Variants in ZNF26 observed in about 807,000 individuals in gnomAD.
ZNF26 encodes zinc finger protein 26.
A neutral mutation model predicts 54.9 loss-of-function variants in ZNF26; 32 were observed. The observed-to-expected ratio is 0.58, with a 90% CI of 0.44 to 0.78. The LOEUF is 0.78. ZNF26 is among the 30% of genes least tolerant of loss of function. ZNF26 has a pLI of 0.00. For synonymous variants in ZNF26, 221 were observed against 209.2 expected (o/e 1.06, Z -0.49); for missense variants, 524 against 634.0 (o/e 0.83, Z 1.86).
At chr12:133,000,185 C>T (rs1953179394) in intron 1 of ZNF26, among the ~76,000 whole-genome samples, 1 of 151,868 alleles carries the variant, frequency 6.6e-6, no homozygotes, top group African/African-American at 2.4e-5. Context: ...TTTAAATTTT[C>T]TTTTGATCAT....
At chr12:133,002,652 T>C (rs1298598024) in intron 1 of ZNF26, among the ~76,000 whole-genome samples, 1 of 151,762 alleles carries the variant, frequency 6.6e-6, no homozygotes, top group Admixed American at 6.6e-5. Flanking sequence ...TGAGATGTAG[T>C]CTTCTGTGTC....
At chr12:133,006,117 C>T (rs1953318872) in intron 1 of ZNF26, 1 of 985,244 alleles carries the variant, frequency 1.0e-6, no homozygotes, top group Non-Finnish European at 1.2e-6. Context: ...CCCTGCTGTT[C>T]CCTCCCAGCC....
intron 1 of ZNF26, chr12:133,006,008 G>A: frequency 1.2e-6 from 1 of 846,458 alleles, no homozygotes; most frequent in Non-Finnish European, 1.4e-6. Flanking sequence ...TCTGGTACAG[G>A]GACTGCAAAT....
intron 1 of ZNF26, among the ~76,000 whole-genome samples, chr12:133,002,619 G>C (rs1953243106): frequency 6.6e-6 from 1 of 151,008 alleles, no homozygotes; most frequent in Non-Finnish European, 1.5e-5. Flanking sequence ...TGGATTTTTT[G>C]TTTGTTTTTT....
In ZNF26 at chr12:133,025,379, G is replaced by A. The variant is rs1363863142; in HGVS notation, c.*13898G>A. ...ATCTGCACCTGTAGCAGAGTTTGAC[G>A]ATGAGATCCTGGTCTTCAATCTGAT... On this transcript the variant is annotated 3_prime_UTR_variant, in exon 4 of 4. Transcript: ENST00000328654. 3.3e-5 allele frequency: 5 copies of A among 152,262 alleles called. No individual in the cohort carries two copies. Among genetic ancestry groups the A allele is most frequent in the African/African-American group, 7.2e-5 (3 of 41,560 alleles). 9.4% of individuals were successfully genotyped at this position (152,262 alleles called of 1,614,324 possible).
At chr12:132,992,481 GATTTTC>G (rs1446359538) in intron 1 of ZNF26, among the ~76,000 whole-genome samples, 23 of 151,750 alleles carry the variant, frequency 1.5e-4, no homozygotes, top group Non-Finnish European at 3.1e-4. Context: ...GGTATTCTCG[GATTTTC>G]CTCCATCTGT....
rs1393698069 is a variant in ZNF26, at chr12:133,021,151, C to T, written c.*9670C>T. ...TTTTTTTTTTTGAGACGGAATCTCA[C>T]TCTGTCACCAAGGTTGAAGTGCAGT... is the stretch of plus-strand genomic sequence containing the variant. On this transcript the variant is annotated 3_prime_UTR_variant, in exon 4 of 4. Transcript: ENST00000328654. The T allele has an allele frequency of 1.5e-5, 2 of 134,908 alleles. No individual in the cohort carries two copies. Among genetic ancestry groups the T allele is most frequent in the South Asian group, 2.3e-4 (1 of 4,294 alleles). The allele number at this position is 134,908 out of a possible 1,614,324, so 8.4% of individuals were successfully genotyped here. A position where few individuals can be genotyped will look rare whatever the true frequency, so the allele number is the denominator to read the frequency against.
In ZNF26 at chr12:132,986,669, G is replaced by A. The variant is rs1330917164; in HGVS notation, c.-172G>A. 25 of 648,270 alleles carry A rather than the reference G, an allele frequency of 3.9e-5. No individual in the cohort carries two copies. The highest frequency in any genetic ancestry group is 5.9e-5 in the Non-Finnish European group (22 of 375,350). The allele number at this position is 648,270 out of a possible 1,614,324, so 40.2% of individuals were successfully genotyped here. ...GAGGTTGTCTAGTCACGCGCGGTCT[G>A]TGTTGGGCGAGAGCTGAGGAGCCGG... On this transcript the variant is annotated 5_prime_UTR_variant, in exon 1 of 4. It adds an upstream start codon to the 5' untranslated region. Transcript: ENST00000328654.
rs2137239367 is a variant in ZNF26, at chr12:133,001,875, C to G, written c.34-5167C>G. On this transcript the variant is annotated intron_variant, in intron 1 of 3. Coordinates refer to ENST00000328654, the MANE Select transcript of ZNF26 (RefSeq NM_019591.4). The surrounding 1 kb of genome is among the most constrained non-coding windows in gnomAD (Gnocchi z 4.7). ...TATTCGATCCTTGTTTACTTAAATT[C>G]TTAAGTACATGTCAGTTCCTTCTGA... 1.3e-5 allele frequency: 5 copies of G among 395,562 alleles called. No individual in the cohort carries two copies. In the East Asian group the frequency reaches 3.6e-4, roughly 29 times the overall value. 24.5% of individuals were successfully genotyped at this position (395,562 alleles called of 1,614,324 possible). A position where few individuals can be genotyped will look rare whatever the true frequency, so the allele number is the denominator to read the frequency against.
intron 1 of ZNF26, among the ~76,000 whole-genome samples, chr12:132,989,546 A>G (rs906261597): frequency 2.0e-5 from 3 of 152,160 alleles, no homozygotes; most frequent in African/African-American, 7.2e-5. Flanking sequence ...CTAAACACAG[A>G]ATTTGTTTAT....
intron 1 of ZNF26, among the ~76,000 whole-genome samples, chr12:132,988,209 A>G (rs1952868783): frequency 6.9e-6 from 1 of 145,592 alleles, no homozygotes; most frequent in South Asian, 2.2e-4. Flanking sequence ...GAGTTTAGCC[A>G]TGTTGCCCAG....
In ZNF26 at chr12:133,012,579, T is replaced by A. The variant is rs1171501993; in HGVS notation, c.*1098T>A. 2.3e-5 allele frequency: 1 copy of A among 42,588 alleles called. No individual in the cohort carries two copies. Among genetic ancestry groups the A allele is most frequent in the Admixed American group, 2.4e-4 (1 of 4,234 alleles). 2.6% of individuals were successfully genotyped at this position (42,588 alleles called of 1,614,324 possible). On this transcript the variant is annotated 3_prime_UTR_variant, in exon 4 of 4. Transcript: ENST00000328654. ...TGTCTTTTGCTTTTTGTTGTTTGGGTTTTTTTTTTTTTTTTTTTTTTTTTT... is the reference window on the plus strand; with the variant it reads ...TGTCTTTTGCTTTTTGTTGTTTGGGATTTTTTTTTTTTTTTTTTTTTTTTT...
rs902778347 is a variant in ZNF26 at position 133,016,167 on chromosome 12, G to C, written c.*4686G>C. 6.6e-6 allele frequency: 1 copy of C among 151,136 alleles called. No individual in the cohort carries two copies. Among genetic ancestry groups the C allele is most frequent in the South Asian group, 2.1e-4 (1 of 4,754 alleles). The allele number at this position is 151,136 out of a possible 1,614,324, so 9.4% of individuals were successfully genotyped here. A position where few individuals can be genotyped will look rare whatever the true frequency, so the allele number is the denominator to read the frequency against. On this transcript the variant is annotated 3_prime_UTR_variant, in exon 4 of 4. Coordinates refer to ENST00000328654, the MANE Select transcript of ZNF26 (RefSeq NM_019591.4). ...GGCTCACTGCAACTTCCGCCTCTGGGGTTCAGGTGATTCTCCTGCCTCAGC... is the reference window on the plus strand; with the variant it reads ...GGCTCACTGCAACTTCCGCCTCTGGCGTTCAGGTGATTCTCCTGCCTCAGC...
chr12:133,000,564 A>C (rs113962049), intron 1 of ZNF26, among the ~76,000 whole-genome samples: 1 of 151,728 alleles, frequency 6.6e-6, no homozygotes, highest in African/African-American at 2.4e-5. Flanking sequence ...AGCTGGGACT[A>C]CAGGCGCCCG....
Position 133,010,343 on chromosome 12 carries a change from G to C in ZNF26, c.464G>C (p.Gly155Ala). The change falls in exon 4 of 4, where the codon GGT becomes GCT. Residue 155 changes from glycine (G) to alanine (A), a missense_variant. Coordinates refer to ENST00000328654, the MANE Select transcript of ZNF26 (RefSeq NM_019591.4). ...YLRKNPDKFH[G>A]YEEPYFLKHQ... ...AGAAAGAATCCTGATAAGTTTCATG[G>C]TTATGAAGAACCATATTTTCTTAAG... 1 of 1,613,842 alleles carries C rather than the reference G, an allele frequency of 6.2e-7. No individual in the cohort carries two copies. Among genetic ancestry groups the C allele is most frequent in the Non-Finnish European group, 8.5e-7 (1 of 1,179,974 alleles).
At chr12:132,987,808 G>A in intron 1 of ZNF26, 1 of 829,622 alleles carries the variant, frequency 1.2e-6, no homozygotes, top group Non-Finnish European at 1.5e-6. Flanking sequence ...ACACACGGTG[G>A]AGAAAGGCTG....
At chr12:133,009,762 G>T (rs1005556917) in intron 3 of ZNF26, among the ~76,000 whole-genome samples, 1 of 152,032 alleles carries the variant, frequency 6.6e-6, no homozygotes, top group Non-Finnish European at 1.5e-5. Context: ...TTGGTGTAGT[G>T]GCGTGATCTC....
At position 133,002,134 on chromosome 12, in the gene ZNF26, T is replaced by C. The variant is rs920512048; in HGVS notation, c.34-4908T>C. On this transcript the variant is annotated intron_variant, in intron 1 of 3. Coordinates refer to ENST00000328654, the MANE Select transcript of ZNF26 (RefSeq NM_019591.4). ...CGTCATTCATGGACCAGTTATTCAC[T>C]ATCTTCTTTCTCCGTTTGTTATCCC... is the stretch of plus-strand genomic sequence containing the variant. Among the ~76,000 whole-genome samples the C allele has an allele frequency of 3.9e-5, 6 of 152,288 alleles. No individual in the cohort carries two copies. In the South Asian group the frequency reaches 1.0e-3, roughly 26 times the overall value.
Position 133,023,533 on chromosome 12 carries a change from A to G in ZNF26, c.*12052A>G, listed in dbSNP as rs1477210917. 1 of 152,220 alleles carries G rather than the reference A, an allele frequency of 6.6e-6. No individual in the cohort carries two copies. Among genetic ancestry groups the G allele is most frequent in the Non-Finnish European group, 1.5e-5 (1 of 68,028 alleles). The allele number at this position is 152,220 out of a possible 1,614,324, so 9.4% of individuals were successfully genotyped here. On this transcript the variant is annotated 3_prime_UTR_variant, in exon 4 of 4. Coordinates refer to ENST00000328654, the MANE Select transcript of ZNF26 (RefSeq NM_019591.4). ...ATATGAAAATTTTCTGAGTAAATGAAATCCAGGTCTCTTTCGCCATACATT... is the reference window on the plus strand; with the variant it reads ...ATATGAAAATTTTCTGAGTAAATGAGATCCAGGTCTCTTTCGCCATACATT...
Sources: allele counts gnomAD v4.1 joint callset (sites outside exome capture counted in the v4.1 genomes callset), GRCh38; gene constraint gnomAD v4.1.1; non-coding constraint Gnocchi (gnomAD v3.1); transcripts MANE v1.5; gene names NCBI Gene and HGNC (gene_info 2026-07-23, HGNC 2026-07-21).